TMEM185A: variants seen among roughly 807,000 people sequenced by gnomAD.
TMEM185A encodes transmembrane protein 185A.
Under a neutral mutation model 25.0 loss-of-function variants are expected in TMEM185A, and 9 were observed. The ratio of observed to expected loss-of-function variants is 0.36; its 90% CI spans 0.22 to 0.63. The LOEUF is 0.63. Ranked by LOEUF, TMEM185A falls within the 20% of genes least tolerant of loss-of-function variation. The pLI is 0.68. For missense variants in TMEM185A, 103 were observed against 237.4 expected, an observed-to-expected ratio of 0.43 and a Z score of 3.72; for synonymous variants, 45 against 93.5, an observed-to-expected ratio of 0.48 and a Z score of 2.99.
chrX:149,631,193 C>T (rs1434399181), intron 1 of TMEM185A, among the ~76,000 whole-genome samples: 2 of 109,498 alleles, frequency 1.8e-5, no homozygotes, highest in Admixed American at 1.9e-4. Flanking sequence ...ATGGAGGGCC[C>T]GCAGCGGCGC....
At chrX:149,607,834 C>A (rs2090060525) in intron 3 of TMEM185A, among the ~76,000 whole-genome samples, 1 of 111,703 alleles carries the variant, frequency 9.0e-6, no homozygotes, top group Non-Finnish European at 1.9e-5. Context: ...TAATCAAACA[C>A]TAAGCTTGCT....
At chrX:149,626,757 T>A (rs1557356070) in intron 1 of TMEM185A, among the ~76,000 whole-genome samples, 1 of 111,884 alleles carries the variant, frequency 8.9e-6, no homozygotes, top group Non-Finnish European at 1.9e-5. Context: ...GGGGAGAAGG[T>A]CAGCAGGGAA....
chrX:149,604,465 G>A (rs782631504), intron 3 of TMEM185A, among the ~76,000 whole-genome samples: 3 of 111,492 alleles, frequency 2.7e-5, no homozygotes, highest in Non-Finnish European at 3.8e-5. Context: ...TTTGCCCTTG[G>A]ACCCCACCCC....
At chrX:149,625,405 T>C (rs1557355930) in intron 1 of TMEM185A, among the ~76,000 whole-genome samples, 1 of 112,643 alleles carries the variant, frequency 8.9e-6, no homozygotes, top group African/African-American at 3.2e-5. Context: ...GTAATAGGAA[T>C]GATACTTTTA....
At chrX:149,628,701 T>G (rs1300752509) in intron 1 of TMEM185A, among the ~76,000 whole-genome samples, 2 of 112,065 alleles carry the variant, frequency 1.8e-5, no homozygotes, top group Admixed American at 9.4e-5. Context: ...ACAGTGACTA[T>G]TTCTATGACA....
chrX:149,631,324 G>C (rs1334892114), intron 1 of TMEM185A, among the ~76,000 whole-genome samples: 2 of 111,112 alleles, frequency 1.8e-5, no homozygotes, highest in African/African-American at 6.6e-5. Flanking sequence ...GCCGTGGCCG[G>C]GCAGGGGCTG....
chrX:149,623,609 G>A (rs1348096405), intron 1 of TMEM185A, among the ~76,000 whole-genome samples: 12 of 102,473 alleles, frequency 1.2e-4, no homozygotes, highest in African/African-American at 4.8e-4. Flanking sequence ...TTAAGTAAAA[G>A]TAGAAAACAA....
chrX:149,605,921 T>C (rs1602860111), intron 3 of TMEM185A, among the ~76,000 whole-genome samples: 2 of 111,873 alleles, frequency 1.8e-5, no homozygotes, highest in Admixed American at 1.9e-4. Flanking sequence ...TCTCAGTACA[T>C]AGGTACATGG....
intron 1 of TMEM185A, among the ~76,000 whole-genome samples, chrX:149,620,653 T>C (rs782694270): frequency 8.9e-6 from 1 of 111,855 alleles, no homozygotes; most frequent in Non-Finnish European, 1.9e-5. Flanking sequence ...AGGCAAAGAA[T>C]GTCTTAGTAT....
intron 1 of TMEM185A, among the ~76,000 whole-genome samples, chrX:149,630,845 C>T (rs998933292): frequency 9.0e-6 from 1 of 111,384 alleles, no homozygotes; most frequent in East Asian, 2.8e-4. Flanking sequence ...AGTGCTTAGC[C>T]AGTGTTTTCT....
At chrX:149,620,641 C>T (rs2090135246) in intron 1 of TMEM185A, among the ~76,000 whole-genome samples, 2 of 111,291 alleles carry the variant, frequency 1.8e-5, no homozygotes, top group East Asian at 5.6e-4. Context: ...CAATGTCGAC[C>T]AAGGCAAAGA....
Position 149,604,052 on chromosome X carries a change from C to T in TMEM185A, c.442G>A (p.Val148Ile), listed in dbSNP as rs2090032124. 5.8e-6 allele frequency: 7 copies of T among 1,201,386 alleles called. No homozygotes were observed. Among genetic ancestry groups the T allele is most frequent in the Non-Finnish European group, 7.9e-6 (7 of 887,023 alleles). ...ATGAATATAAACTGGAGAATGTTGA[C>T]AGAACACAGGATTTCTAACTAAAAA... ...RSLELEILCS[V>I]NILQFIFIAL... is the part of the protein sequence containing the mutation. The change falls in exon 4 of 7, where the codon GTC becomes ATC. Residue 148 changes from valine (V) to isoleucine (I), a missense_variant. Transcript: ENST00000600449.
chrX:149,611,095 C>T (rs2090080964), intron 2 of TMEM185A, among the ~76,000 whole-genome samples, 192 bp downstream of exon 2: 1 of 111,816 alleles, frequency 8.9e-6, no homozygotes, highest in African/African-American at 3.3e-5. Context: ...CCAAATGGCA[C>T]TGCTTTTGTA....
At position 149,626,621 on chromosome X, in the gene TMEM185A, T is replaced by C. The variant is rs782802940; in HGVS notation, c.38+4922A>G. ...GAAACAAAGTATAGAGAAAGAACAG[T>C]GGGCCCAGGGGACCGGCACTCAGCA... On this transcript the variant is annotated intron_variant, in intron 1 of 6. Coordinates refer to ENST00000600449, the MANE Select transcript of TMEM185A (RefSeq NM_032508.4). 1.5e-3 allele frequency among the ~76,000 whole-genome samples: 174 copies of C among 112,324 alleles called. 1 individual carries two copies. The highest frequency in any genetic ancestry group is 2.9e-3 in the Non-Finnish European group (153 of 53,227).
At position 149,596,961 on chromosome X, in the gene TMEM185A, T is replaced by C. The variant is rs1251557043; in HGVS notation, c.*1050A>G. The C allele has an allele frequency of 9.7e-6, 1 of 102,891 alleles. No individual in the cohort carries two copies. Among genetic ancestry groups the C allele is most frequent in the African/African-American group, 3.6e-5 (1 of 27,707 alleles). 8.5% of individuals were successfully genotyped at this position (102,891 alleles called of 1,213,427 possible). A position where few individuals can be genotyped will look rare whatever the true frequency, so the allele number is the denominator to read the frequency against. On this transcript the variant is annotated 3_prime_UTR_variant, in exon 7 of 7. Transcript: ENST00000600449. ...TCATGCCTACTCCAAAGCCTTCTTGTTGCTGGCAGGAGGGAAGCTTGAGAC... is the reference window on the plus strand; with the variant it reads ...TCATGCCTACTCCAAAGCCTTCTTGCTGCTGGCAGGAGGGAAGCTTGAGAC...
intron 1 of TMEM185A, among the ~76,000 whole-genome samples, chrX:149,628,123 A>G (rs1186745555): frequency 1.8e-5 from 2 of 111,771 alleles, no homozygotes; most frequent in Non-Finnish European, 3.8e-5. Context: ...GGGATACACC[A>G]CACTCCCATC....
At chrX:149,619,866 T>C (rs1557355401) in intron 1 of TMEM185A, among the ~76,000 whole-genome samples, 3 of 111,943 alleles carry the variant, frequency 2.7e-5, no homozygotes, top group Non-Finnish European at 5.6e-5. Flanking sequence ...TATTCCATGG[T>C]GTATATGTGC....
chrX:149,609,263 GA>G (rs1246939590), intron 2 of TMEM185A, among the ~76,000 whole-genome samples: 1 of 112,421 alleles, frequency 8.9e-6, no homozygotes, highest in Non-Finnish European at 1.9e-5. Context: ...CATTTTTCAA[GA>G]AACCATGTAA....
At chrX:149,621,590 A>G (rs1457459951) in intron 1 of TMEM185A, among the ~76,000 whole-genome samples, 2 of 112,165 alleles carry the variant, frequency 1.8e-5, no homozygotes, top group Non-Finnish European at 3.8e-5. Context: ...TAGTGGTTTA[A>G]AAGGCATAAC....
Sources: gnomAD v4.1 joint callset for allele counts (sites outside exome capture counted in the v4.1 genomes callset) on GRCh38, gnomAD v4.1.1 for gene constraint, MANE v1.5 for transcripts, NCBI Gene and HGNC (gene_info 2026-07-23, HGNC 2026-07-21) for gene names.